Variants in KIF26B observed in about 807,000 individuals in gnomAD.
KIF26B encodes kinesin family member 26B.
In KIF26B, 63 loss-of-function variants were observed where a neutral mutation model predicts 151.2. That is an observed-to-expected ratio of 0.42 (90% confidence interval 0.34 to 0.51). KIF26B has a LOEUF of 0.51. Among genes scored for constraint, KIF26B ranks in the 20% least tolerant of loss-of-function variants. The probability of loss-of-function intolerance (pLI) is 0.07; values close to 1 mark genes in which losing one functional copy is unlikely to be tolerated. For synonymous variants in KIF26B, 1,357 were observed against 1,262.1 expected (o/e 1.08, Z -1.59); for missense variants, 2,813 against 2,913.6 (o/e 0.97, Z 0.79).
chr1:245,536,488 A>G (rs1479882318), intron 4 of KIF26B, among the ~76,000 whole-genome samples: 1 of 152,216 alleles, frequency 6.6e-6, no homozygotes, highest in Non-Finnish European at 1.5e-5. Context: ...ATGTTACAAG[A>G]TAATAGGTGT....
intron 2 of KIF26B, among the ~76,000 whole-genome samples, chr1:245,259,377 G>C (rs561917379): frequency 6.6e-6 from 1 of 152,102 alleles, no homozygotes; most frequent in African/African-American, 2.4e-5. Flanking sequence ...GAGGACTGAG[G>C]CTCCATCGCT....
intron 5 of KIF26B, among the ~76,000 whole-genome samples, chr1:245,545,282 A>G (rs1306904173): frequency 2.0e-5 from 3 of 152,050 alleles, no homozygotes; most frequent in African/African-American, 4.8e-5. Flanking sequence ...TTGTATTTTT[A>G]GTAGAGACGG....
At chr1:245,186,003 T>C (rs1021480187) in intron 2 of KIF26B, among the ~76,000 whole-genome samples, 2 of 152,038 alleles carry the variant, frequency 1.3e-5, no homozygotes, top group African/African-American at 4.8e-5. Flanking sequence ...GCCTCCTGAG[T>C]AGCTGGGATT....
intron 2 of KIF26B, among the ~76,000 whole-genome samples, chr1:245,189,886 C>G (rs1470087205): frequency 1.3e-5 from 2 of 152,196 alleles, no homozygotes; most frequent in Non-Finnish European, 2.9e-5. Context: ...AAAGTCACGT[C>G]TTACATGGTG....
At chr1:245,699,150 A>G (rs1295835814) in intron 14 of KIF26B, 113 bp downstream of exon 14, 10 of 1,077,712 alleles carry the variant, frequency 9.3e-6, no homozygotes, top group Admixed American at 2.3e-5. Flanking sequence ...CCTCAGTCAC[A>G]GGATGCCCAT....
intron 2 of KIF26B, among the ~76,000 whole-genome samples, chr1:245,260,112 G>T (rs760353042): frequency 3.3e-5 from 5 of 152,054 alleles, no homozygotes; most frequent in Non-Finnish European, 7.4e-5. Context: ...GATGAGCCAG[G>T]CAAGGAGAGG....
At chr1:245,581,182 C>T (rs552076952) in intron 5 of KIF26B, among the ~76,000 whole-genome samples, 1 of 152,308 alleles carries the variant, frequency 6.6e-6, no homozygotes, top group African/African-American at 2.4e-5. Flanking sequence ...TCCTTTTGGT[C>T]CTTTGAGTAA....
intron 4 of KIF26B, among the ~76,000 whole-genome samples, chr1:245,477,615 G>A (rs980614667): frequency 6.6e-6 from 1 of 151,824 alleles, no homozygotes; most frequent in Non-Finnish European, 1.5e-5. Context: ...GGAAGTGGGG[G>A]AGCTGAACCA....
intron 4 of KIF26B, among the ~76,000 whole-genome samples, chr1:245,532,931 T>G (rs1661407096): frequency 6.6e-6 from 1 of 152,208 alleles, no homozygotes; most frequent in East Asian, 1.9e-4. Context: ...GCCCAAATAC[T>G]TTTAAGTAGG....
rs142765342 is a variant in KIF26B, at chr1:245,646,979, T to G, written c.2258+699T>G. Among the ~76,000 whole-genome samples the G allele has an allele frequency of 4.2e-3, 645 of 152,336 alleles. 4 individuals carry two copies. The highest frequency in any genetic ancestry group is 0.015 in the African/African-American group (605 of 41,566). The stretch of plus-strand genomic sequence containing the variant: ...TAAGCGTTCTCATTGGACCGTGTGG[T>G]GGCAGGCCATTGACTGGCTGTCCAG... On this transcript the variant is annotated intron_variant, in intron 10 of 14. Transcript: ENST00000407071.
intron 2 of KIF26B, among the ~76,000 whole-genome samples, chr1:245,202,945 A>C (rs866838078): frequency 4.7e-5 from 7 of 148,590 alleles, no homozygotes; most frequent in African/African-American, 1.7e-4. Flanking sequence ...CTGTCTCAAA[A>C]AAAACAAAAC....
At chr1:245,163,494 C>G (rs1216158646) in intron 2 of KIF26B, among the ~76,000 whole-genome samples, 2 of 152,154 alleles carry the variant, frequency 1.3e-5, no homozygotes, top group Admixed American at 6.5e-5. Context: ...TTTGGCAGGG[C>G]TAGCTCTCTC....
chr1:245,372,721 C>T (rs1673156893), intron 3 of KIF26B, among the ~76,000 whole-genome samples: 1 of 152,160 alleles, frequency 6.6e-6, no homozygotes. Context: ...TCAATAACTG[C>T]AGGAAAGACT....
chr1:245,423,956 A>G (rs1658562689), intron 4 of KIF26B, among the ~76,000 whole-genome samples: 1 of 149,698 alleles, frequency 6.7e-6, no homozygotes, highest in African/African-American at 2.5e-5. Context: ...CTCCCACTTC[A>G]GCCTCCTGAG....
At position 245,646,189 on chromosome 1, in the gene KIF26B, C is replaced by G; in HGVS notation, c.2167C>G (p.Arg723Gly). The change falls in exon 10 of 15, where the codon CGA becomes GGA. Residue 723 changes from arginine (R) to glycine (G), a missense_variant. Coordinates refer to ENST00000407071, the MANE Select transcript of KIF26B (RefSeq NM_018012.4). ...CTGTGTGAAAGCTCTTAGCAAAAAT[C>G]GAGAAGGAGGCTCAGGGCTGTGTCT... ...GSCVKALSKN[R>G]EGGSGLCLSL... is the part of the protein sequence containing the mutation. 6.2e-7 allele frequency: 1 copy of G among 1,613,952 alleles called. No individual in the cohort carries two copies. Among genetic ancestry groups the G allele is most frequent in the Non-Finnish European group, 8.5e-7 (1 of 1,179,864 alleles).
At chr1:245,626,308 T>C (rs867412055) in intron 9 of KIF26B, among the ~76,000 whole-genome samples, 3 of 152,174 alleles carry the variant, frequency 2.0e-5, no homozygotes, top group African/African-American at 7.2e-5. Context: ...GAAGCATCTA[T>C]ACTGTTTTCT....
chr1:245,598,289 G>A (rs556824651), intron 5 of KIF26B, among the ~76,000 whole-genome samples: 2 of 152,266 alleles, frequency 1.3e-5, no homozygotes, highest in Admixed American at 6.5e-5. Flanking sequence ...CAAAGCTCAT[G>A]CATGAGAAGC....
At chr1:245,285,086 C>G (rs978504449) in intron 2 of KIF26B, among the ~76,000 whole-genome samples, 1 of 152,200 alleles carries the variant, frequency 6.6e-6, no homozygotes, top group Non-Finnish European at 1.5e-5. Flanking sequence ...TATTTTTGCT[C>G]TTGTGTCTGG....
rs577700349 is a variant in KIF26B at position 245,166,092 on chromosome 1, G to A, written c.465+9409G>A. ...TGGGCAAGCCTTGGTCTTTCTAAAC[G>A]TGGTTATTCTCATCTCTACAGTGGG... is the stretch of plus-strand genomic sequence containing the variant. On this transcript the variant is annotated intron_variant, in intron 2 of 14. Coordinates refer to ENST00000407071, the MANE Select transcript of KIF26B (RefSeq NM_018012.4). This position sits in a 1 kb window ranked among gnomAD's most constrained non-coding sequence, Gnocchi z 4.5. 2.0e-5 allele frequency among the ~76,000 whole-genome samples: 3 copies of A among 152,194 alleles called. No individual in the cohort carries two copies. Among genetic ancestry groups the A allele is most frequent in the African/African-American group, 7.2e-5 (3 of 41,448 alleles).
Sources: gnomAD v4.1 joint callset for allele counts (sites outside exome capture counted in the v4.1 genomes callset) on GRCh38, gnomAD v4.1.1 for gene constraint, Gnocchi (gnomAD v3.1) non-coding constraint, MANE v1.5 for transcripts, NCBI Gene and HGNC (gene_info 2026-07-23, HGNC 2026-07-21) for gene names.